BTRC: variants seen among roughly 807,000 people sequenced by gnomAD.
The protein encoded by BTRC is beta-transducin repeat containing E3 ubiquitin protein ligase.
Under a neutral mutation model 85.5 loss-of-function variants are expected in BTRC, and 42 were observed. The observed-to-expected ratio is 0.49, with a 90% CI of 0.38 to 0.64. BTRC has a LOEUF of 0.64. BTRC is among the 30% of genes least tolerant of loss of function. BTRC has a pLI of 0.00. For synonymous variants in BTRC, 255 were observed against 263.3 expected, an observed-to-expected ratio of 0.97 and a Z score of 0.30; for missense variants, 594 against 743.5, an observed-to-expected ratio of 0.80 and a Z score of 2.34.
chr10:101,525,387 G>GT (rs761324748), intron 5 of BTRC, among the ~76,000 whole-genome samples: 13 of 152,124 alleles, frequency 8.5e-5, no homozygotes, highest in South Asian at 2.1e-4. Flanking sequence ...CTCAAATATA[G>GT]TTTTTTTAAA....
chr10:101,463,966 A>G (rs1945298975), intron 3 of BTRC, among the ~76,000 whole-genome samples: 1 of 152,086 alleles, frequency 6.6e-6, no homozygotes, highest in African/African-American at 2.4e-5. Flanking sequence ...AAAACAAACA[A>G]AAATCCACAA....
At chr10:101,517,899 G>A (rs1452852294) in intron 4 of BTRC, among the ~76,000 whole-genome samples, 4 of 147,136 alleles carry the variant, frequency 2.7e-5, no homozygotes, top group Non-Finnish European at 6.0e-5. Flanking sequence ...ATGGACTGTT[G>A]AAGTAGTGTC....
At chr10:101,429,773 T>C (rs1216341259) in intron 1 of BTRC, among the ~76,000 whole-genome samples, 1 of 148,068 alleles carries the variant, frequency 6.8e-6, no homozygotes, top group Non-Finnish European at 1.5e-5. Flanking sequence ...GGTTAATGAA[T>C]AGCAGACTAA....
intron 6 of BTRC, among the ~76,000 whole-genome samples, 158 bp from the exon 7 acceptor site, chr10:101,531,079 G>A (rs2062273127): frequency 6.6e-6 from 1 of 152,146 alleles, no homozygotes; most frequent in Admixed American, 6.5e-5. Context: ...GCTGAGGCAG[G>A]AGAATCACTT....
intron 8 of BTRC, among the ~76,000 whole-genome samples, 153 bp from the exon 9 acceptor site, chr10:101,532,799 C>CGCGT (rs1402721212): frequency 4.1e-5 from 6 of 144,698 alleles, no homozygotes; most frequent in East Asian, 2.0e-4. Flanking sequence ...TGCGCGTGTG[C>CGCGT]GCGCGCGCGC....
intron 2 of BTRC, among the ~76,000 whole-genome samples, chr10:101,447,337 A>G (rs1564778536): frequency 1.3e-5 from 2 of 152,120 alleles, no homozygotes; most frequent in South Asian, 2.1e-4. Context: ...AGAAATGGCC[A>G]TGTTTTCTTT....
intron 3 of BTRC, among the ~76,000 whole-genome samples, chr10:101,466,783 A>G (rs1035228011): frequency 6.6e-6 from 1 of 152,222 alleles, no homozygotes; most frequent in South Asian, 2.1e-4. Context: ...ACTGGGCCTT[A>G]TAAAAGGAAC....
intron 13 of BTRC, among the ~76,000 whole-genome samples, chr10:101,543,285 A>G (rs1342632893): frequency 6.6e-6 from 1 of 152,218 alleles, no homozygotes; most frequent in Admixed American, 6.5e-5. Flanking sequence ...TTTGATGTTT[A>G]TAGTATTCTT....
chr10:101,530,410 A>G (rs1486290496), intron 6 of BTRC, among the ~76,000 whole-genome samples: 1 of 152,140 alleles, frequency 6.6e-6, no homozygotes, highest in Admixed American at 6.5e-5. Context: ...CTTACCCTGT[A>G]CAAATAAAGA....
In BTRC at chr10:101,550,920, T is replaced by C. The variant is rs2062639919; in HGVS notation, c.*31+29T>C. The C allele has an allele frequency of 4.6e-6, 7 of 1,534,312 alleles. No homozygotes were observed. In the South Asian group the frequency reaches 8.6e-5, roughly 19 times the overall value. On this transcript the variant is annotated intron_variant, in intron 14 of 14. Transcript: ENST00000370187. ...TCGAAATCGATTATGTACATAACAC[T>C]GTGGGTAGGAGACGGGATATTAGCT...
At chr10:101,486,508 C>T (rs1483600952) in intron 4 of BTRC, among the ~76,000 whole-genome samples, 1 of 151,330 alleles carries the variant, frequency 6.6e-6, no homozygotes, top group African/African-American at 2.4e-5. Flanking sequence ...CGTCACATTA[C>T]CTAGGAATCT....
chr10:101,491,893 G>A (rs1946143286), intron 4 of BTRC, among the ~76,000 whole-genome samples: 1 of 151,860 alleles, frequency 6.6e-6, no homozygotes, highest in East Asian at 1.9e-4. Context: ...GAAGAAATAG[G>A]TTTTTTTTAA....
At chr10:101,359,345 A>G (rs1942134218) in intron 1 of BTRC, among the ~76,000 whole-genome samples, 1 of 152,110 alleles carries the variant, frequency 6.6e-6, no homozygotes, top group Non-Finnish European at 1.5e-5. Flanking sequence ...CCCAGTTTAA[A>G]TTGGCTTTCA....
chr10:101,441,650 C>G lies in BTRC; in HGVS notation c.156+11198C>G, dbSNP rs112443786. ...ATCCCAGCACTGTGGGAGGCTGAGG[C>G]GGGCGGATTGCCTGAGCTCACGAAT... On this transcript the variant is annotated intron_variant, in intron 2 of 14. Coordinates refer to ENST00000370187, the MANE Select transcript of BTRC (RefSeq NM_033637.4). Among the ~76,000 whole-genome samples, 860 of 152,156 alleles carry G rather than the reference C, an allele frequency of 5.7e-3. 8 individuals are homozygous for G. Among genetic ancestry groups the G allele is most frequent in the South Asian group, 0.026 (123 of 4,822 alleles).
intron 2 of BTRC, among the ~76,000 whole-genome samples, chr10:101,445,709 A>G (rs533889717): frequency 4.1e-3 from 631 of 152,318 alleles, no homozygotes; most frequent in Middle Eastern, 6.8e-3. Context: ...GCTTTGGTTT[A>G]ATCAATAGAA....
chr10:101,390,345 T>C (rs1263775518), intron 1 of BTRC, among the ~76,000 whole-genome samples: 1 of 128,834 alleles, frequency 7.8e-6, no homozygotes, highest in Non-Finnish European at 1.8e-5. Context: ...TTTTTTTTTT[T>C]TTTTTTTTCC....
intron 3 of BTRC, among the ~76,000 whole-genome samples, chr10:101,473,393 C>T (rs1173103549): frequency 6.6e-6 from 1 of 151,576 alleles, no homozygotes; most frequent in Non-Finnish European, 1.5e-5. Context: ...CAAGCAACCG[C>T]CCACCCCAGC....
chr10:101,492,657 T>C (rs369719199), intron 4 of BTRC, among the ~76,000 whole-genome samples: 30 of 152,188 alleles, frequency 2.0e-4, no homozygotes, highest in African/African-American at 7.0e-4. Context: ...GAAGGCGTTT[T>C]CTTTAACCCT....
intron 3 of BTRC, among the ~76,000 whole-genome samples, chr10:101,465,344 G>A (rs1039331879): frequency 2.6e-5 from 4 of 152,060 alleles, no homozygotes; most frequent in African/African-American, 7.2e-5. Context: ...TTCAAAAATA[G>A]CGTTTTGCCA....
Sources: gnomAD v4.1 joint callset for allele counts (sites outside exome capture counted in the v4.1 genomes callset) on GRCh38, gnomAD v4.1.1 for gene constraint, MANE v1.5 for transcripts, NCBI Gene and HGNC (gene_info 2026-07-23, HGNC 2026-07-21) for gene names.